The following ZNF556 variants were observed in gnomAD, a reference collection of about 807,000 sequenced individuals.
ZNF556 encodes the protein zinc finger protein 556.
Under a neutral mutation model 13.6 loss-of-function variants are expected in ZNF556, and 11 were observed. The ratio of observed to expected loss-of-function variants is 0.81; its 90% confidence interval spans 0.51 to 1.33. The LOEUF (loss-of-function observed/expected upper bound fraction) is 1.33, where lower values mean the gene tolerates loss of function less well. Among genes scored for constraint, ZNF556 ranks in the 40% most tolerant of loss-of-function variants. ZNF556 has a pLI of 0.00. For synonymous variants in ZNF556, 229 were observed against 207.8 expected, an observed-to-expected ratio of 1.10 and a Z score of -0.88; for missense variants, 633 against 566.2, an observed-to-expected ratio of 1.12 and a Z score of -1.20.
chr19:2,867,381 G>C lies in ZNF556; in HGVS notation c.-41G>C. The C allele has an allele frequency of 6.4e-7, 1 of 1,573,688 alleles. No individual in the cohort carries two copies. Among genetic ancestry groups the C allele is most frequent in the Middle Eastern group, 1.7e-4 (1 of 5,996 alleles). Reference sequence around the variant, plus strand: ...TCGTGCTCACCTGCACCGGCTGCGAGGAGCAGGGAGCTCCTCAAAGAGCTC... The same window carrying C: ...TCGTGCTCACCTGCACCGGCTGCGACGAGCAGGGAGCTCCTCAAAGAGCTC... On this transcript the variant is annotated 5_prime_UTR_variant, in exon 1 of 4. Transcript: ENST00000307635.
At chr19:2,869,097 C>T (rs192003887) in intron 1 of ZNF556, among the ~76,000 whole-genome samples, 239 of 152,206 alleles carry the variant, frequency 1.6e-3, no homozygotes, top group Admixed American at 2.6e-3. Flanking sequence ...AGTGACTATT[C>T]GGGTATTTTC....
At chr19:2,874,743 C>CA (rs1165214161) in intron 2 of ZNF556, among the ~76,000 whole-genome samples, 977 of 65,228 alleles carry the variant, frequency 0.015, 20 homozygotes, top group African/African-American at 0.041. Flanking sequence ...GACTCTGTCT[C>CA]AAAAAAAAAA....
rs1040823726 is a variant in ZNF556, at chr19:2,880,565, C to G, written c.*2236C>G. 4 of 152,156 alleles carry G rather than the reference C, an allele frequency of 2.6e-5. No individual in the cohort carries two copies. The highest frequency in any genetic ancestry group is 1.9e-4 in the East Asian group (1 of 5,144). 9.4% of individuals were successfully genotyped at this position (152,156 alleles called of 1,614,324 possible). The stretch of plus-strand genomic sequence containing the variant: ...CGGGCAGATCATGAGGTCAAGAGAT[C>G]GAGACCATCCTGGCTAACACGGTGA... On this transcript the variant is annotated 3_prime_UTR_variant, in exon 4 of 4. Transcript: ENST00000307635.
Position 2,882,198 on chromosome 19 carries a change from C to T in ZNF556, c.*3869C>T, listed in dbSNP as rs147262341. 0.069 allele frequency: 10,506 copies of T among 152,112 alleles called. 437 individuals carry two copies. The highest frequency in any genetic ancestry group is 0.11 in the Non-Finnish European group (7,184 of 67,988). 9.4% of individuals were successfully genotyped at this position (152,112 alleles called of 1,614,324 possible). The stretch of plus-strand genomic sequence containing the variant: ...ATCCCAGCACTTTGGGAGGCTGAGG[C>T]GGGTGGATCACGAGGTCAGGAGATC... On this transcript the variant is annotated 3_prime_UTR_variant, in exon 4 of 4. Coordinates refer to ENST00000307635, the MANE Select transcript of ZNF556 (RefSeq NM_024967.3).
At chr19:2,874,188 C>T (rs2087829906) in intron 2 of ZNF556, among the ~76,000 whole-genome samples, 1 of 151,966 alleles carries the variant, frequency 6.6e-6, no homozygotes, top group Non-Finnish European at 1.5e-5. Context: ...ACCCGGGAGG[C>T]AGAGGTTGCA....
chr19:2,878,338 A>G lies in ZNF556; in HGVS notation c.*9A>G. Reference sequence around the variant, plus strand: ...CCTGTACATCTAAGTAATGGGGGAAAACCTGTGCAAATTAATTCACATACA... The same window carrying G: ...CCTGTACATCTAAGTAATGGGGGAAGACCTGTGCAAATTAATTCACATACA... On this transcript the variant is annotated 3_prime_UTR_variant, in exon 4 of 4. Transcript: ENST00000307635. 1 of 1,608,686 alleles carries G rather than the reference A, an allele frequency of 6.2e-7. No homozygotes were observed. Among genetic ancestry groups the G allele is most frequent in the Admixed American group, 1.7e-5 (1 of 59,002 alleles).
intron 1 of ZNF556, among the ~76,000 whole-genome samples, chr19:2,870,172 G>A (rs913583363): frequency 6.6e-6 from 1 of 152,156 alleles, no homozygotes; most frequent in Admixed American, 6.6e-5. Flanking sequence ...ACTATTTTGG[G>A]TTGGGCCCCC....
chr19:2,872,624 C>G (rs924346812), intron 1 of ZNF556, among the ~76,000 whole-genome samples: 7 of 151,972 alleles, frequency 4.6e-5, no homozygotes, highest in African/African-American at 1.7e-4. Context: ...TATACTGGAA[C>G]AGCTCATGTC....
Position 2,878,581 on chromosome 19 carries a change from CAGG to C in ZNF556, c.*255_*257del, listed in dbSNP as rs1481949614. 3.1e-6 allele frequency: 1 copy of C among 325,542 alleles called. No individual in the cohort carries two copies. The highest frequency in any genetic ancestry group is 2.2e-5 in the African/African-American group (1 of 45,762). The allele number at this position is 325,542 out of a possible 1,614,324, so 20.2% of individuals were successfully genotyped here. The stretch of plus-strand genomic sequence containing the variant: ...GTCCCAGCTGCTCAGGAGGCTGAGG[CAGG>C]AGAACGGCGTGAACCCGGGAGGCGG... On this transcript the variant is annotated 3_prime_UTR_variant, in exon 4 of 4. Transcript: ENST00000307635.
chr19:2,867,804 C>T (rs1429589210), intron 1 of ZNF556, among the ~76,000 whole-genome samples: 1 of 151,752 alleles, frequency 6.6e-6, no homozygotes, highest in African/African-American at 2.4e-5. Flanking sequence ...GACTTTGGGC[C>T]CAGGCCCACG....
intron 2 of ZNF556, 42 bp downstream of exon 2, chr19:2,873,664 A>C: frequency 1.3e-6 from 2 of 1,594,646 alleles, no homozygotes; most frequent in Non-Finnish European, 8.6e-7. Context: ...TTAGATAATA[A>C]ATGTTTTGTC....
rs2087916835 is a variant in ZNF556 at position 2,883,019 on chromosome 19, A to G, written c.*4690A>G. 1.3e-5 allele frequency: 2 copies of G among 152,222 alleles called. No individual in the cohort carries two copies. Among genetic ancestry groups the G allele is most frequent in the Non-Finnish European group, 1.5e-5 (1 of 68,052 alleles). The allele number at this position is 152,222 out of a possible 1,614,324, so 9.4% of individuals were successfully genotyped here. A position where few individuals can be genotyped will look rare whatever the true frequency, so the allele number is the denominator to read the frequency against. On this transcript the variant is annotated 3_prime_UTR_variant, in exon 4 of 4. Transcript: ENST00000307635. ...TTTGCTGCCCCTACACACTGATGGAAAAATTGTGTTCTGCAGAAAACTAGA... is the reference window on the plus strand; with the variant it reads ...TTTGCTGCCCCTACACACTGATGGAGAAATTGTGTTCTGCAGAAAACTAGA...
At chr19:2,873,453 A>G in intron 1 of ZNF556, 43 bp from the exon 2 acceptor site, 1 of 1,606,132 alleles carries the variant, frequency 6.2e-7, no homozygotes, top group Non-Finnish European at 8.5e-7. Context: ...CAGTGCTGTG[A>G]GTTTTACCCC....
At chr19:2,873,316 CAA>C (rs1261194053) in intron 1 of ZNF556, among the ~76,000 whole-genome samples, 178 bp from the exon 2 acceptor site, 4 of 152,038 alleles carry the variant, frequency 2.6e-5, no homozygotes, top group Admixed American at 2.6e-4. Context: ...TTGTCAAAGA[CAA>C]AAAAACCTAC....
intron 1 of ZNF556, among the ~76,000 whole-genome samples, chr19:2,868,500 C>A (rs1422308063): frequency 2.0e-5 from 3 of 151,738 alleles, no homozygotes; most frequent in Non-Finnish European, 4.4e-5. Context: ...GCAACCTCCG[C>A]CTCCTGAGTT....
chr19:2,878,835 C>G lies in ZNF556; in HGVS notation c.*506C>G, dbSNP rs1276765619. The stretch of plus-strand genomic sequence containing the variant: ...GGAGAATCCTGTAAGTCCTCTCTCA[C>G]CTATAGTACTGAAATTTTGATACAT... On this transcript the variant is annotated 3_prime_UTR_variant, in exon 4 of 4. Coordinates refer to ENST00000307635, the MANE Select transcript of ZNF556 (RefSeq NM_024967.3). 6.5e-6 allele frequency: 1 copy of G among 153,336 alleles called. No individual in the cohort carries two copies. Among genetic ancestry groups the G allele is most frequent in the Non-Finnish European group, 1.5e-5 (1 of 68,866 alleles). 9.5% of individuals were successfully genotyped at this position (153,336 alleles called of 1,614,324 possible). A position where few individuals can be genotyped will look rare whatever the true frequency, so the allele number is the denominator to read the frequency against.
At chr19:2,872,214 G>A (rs74562409) in intron 1 of ZNF556, among the ~76,000 whole-genome samples, 1 of 152,160 alleles carries the variant, frequency 6.6e-6, no homozygotes, top group African/African-American at 2.4e-5. Context: ...GAGGAGTAGA[G>A]TCTTCTCTAA....
intron 1 of ZNF556, among the ~76,000 whole-genome samples, chr19:2,870,429 A>G (rs1433012666): frequency 6.6e-6 from 1 of 150,866 alleles, no homozygotes; most frequent in Admixed American, 6.6e-5. Context: ...TCCAGCCTGC[A>G]CAGCAGAGTG....
rs1391051641 is a variant in ZNF556 at position 2,878,603 on chromosome 19, G to A, written c.*274G>A. 8 of 289,558 alleles carry A rather than the reference G, an allele frequency of 2.8e-5. No homozygotes were observed. Among genetic ancestry groups the A allele is most frequent in the South Asian group, 2.8e-4 (7 of 25,394 alleles). The allele number at this position is 289,558 out of a possible 1,614,324, so 17.9% of individuals were successfully genotyped here. On this transcript the variant is annotated 3_prime_UTR_variant, in exon 4 of 4. Transcript: ENST00000307635. ...AGGCAGGAGAACGGCGTGAACCCGG[G>A]AGGCGGAGCTTGCAGTGAGCCGAGA... is the stretch of plus-strand genomic sequence containing the variant.
Sources: allele counts gnomAD v4.1 joint callset (sites outside exome capture counted in the v4.1 genomes callset), GRCh38; gene constraint gnomAD v4.1.1; transcripts MANE v1.5; gene names NCBI Gene and HGNC (gene_info 2026-07-23, HGNC 2026-07-21).